The following MSRA variants were observed in gnomAD, a reference collection of about 807,000 sequenced individuals.
MSRA encodes the protein methionine sulfoxide reductase A.
A neutral mutation model predicts 31.3 loss-of-function variants in MSRA; 54 were observed. The ratio of observed to expected loss-of-function variants is 1.73; its 90% CI spans 1.39 to 2.17. The LOEUF is 2.17. MSRA is among the 30% of genes most tolerant of loss of function. MSRA has a pLI of 0.00. For synonymous variants in MSRA, 169 were observed against 116.5 expected, an observed-to-expected ratio of 1.45 and a Z score of -2.90; for missense variants, 507 against 300.9, an observed-to-expected ratio of 1.69 and a Z score of -5.07.
chr8:10,107,852 C>T (rs532201656), intron 1 of MSRA, among the ~76,000 whole-genome samples: 24 of 152,200 alleles, frequency 1.6e-4, no homozygotes, highest in Admixed American at 2.6e-4. Context: ...AAATTATCCC[C>T]GGATATTGCT....
In MSRA at chr8:10,301,572, C is replaced by T; in HGVS notation, c.370C>T (p.Gln124Ter). 6.2e-7 allele frequency: 1 copy of T among 1,613,964 alleles called. No homozygotes were observed. The highest frequency in any genetic ancestry group is 8.5e-7 in the Non-Finnish European group (1 of 1,179,992). Reference protein sequence around the residue: ...GHAEVVRVVYQPEHMSFEELL... With the variant: ...GHAEVVRVVY Reference sequence around the variant, plus strand: ...TGCAGAAGTCGTCCGAGTGGTGTACCAGCCAGAACACATGAGTTTTGAGGA... The same window carrying T: ...TGCAGAAGTCGTCCGAGTGGTGTACTAGCCAGAACACATGAGTTTTGAGGA... The change falls in exon 4 of 6, where the codon CAG becomes TAG. Residue 124 changes from glutamine (Q) to a stop codon, truncating the protein, a stop_gained. Transcript: ENST00000317173. LOFTEE classifies it high-confidence loss of function.
At chr8:10,358,472 A>G (rs748872376) in intron 5 of MSRA, among the ~76,000 whole-genome samples, 18 of 144,016 alleles carry the variant, frequency 1.2e-4, no homozygotes, top group Non-Finnish European at 2.5e-4. Flanking sequence ...GTTCTGGCCT[A>G]TGGCCTGTTA....
chr8:10,250,635 G>A (rs1329729996), intron 3 of MSRA: 5 of 608,284 alleles, frequency 8.2e-6, no homozygotes, highest in South Asian at 2.0e-5. Flanking sequence ...CAGAGGTTTC[G>A]AGCAGGAGCC....
chr8:10,088,179 C>T (rs554114005), intron 1 of MSRA, among the ~76,000 whole-genome samples: 1 of 152,286 alleles, frequency 6.6e-6, no homozygotes, highest in Non-Finnish European at 1.5e-5. Context: ...AGAAAGACTT[C>T]CCCATGCTAC....
intron 2 of MSRA, among the ~76,000 whole-genome samples, chr8:10,216,670 G>C (rs904229923): frequency 6.6e-6 from 1 of 152,170 alleles, no homozygotes. Context: ...GAATCATGCA[G>C]TATTTACCCT....
At chr8:10,176,941 T>C (rs1806104994) in intron 1 of MSRA, among the ~76,000 whole-genome samples, 1 of 152,192 alleles carries the variant, frequency 6.6e-6, no homozygotes, top group African/African-American at 2.4e-5. Context: ...TAGTACAGAG[T>C]CTTGTCTGGA....
intron 1 of MSRA, among the ~76,000 whole-genome samples, chr8:10,063,368 C>T (rs764235146): frequency 3.9e-5 from 6 of 152,242 alleles, no homozygotes; most frequent in Non-Finnish European, 4.4e-5. Context: ...GTTTAGGGAA[C>T]AGCAGCGACT....
intron 1 of MSRA, among the ~76,000 whole-genome samples, chr8:10,140,243 C>T (rs1165865838): frequency 1.3e-5 from 2 of 152,128 alleles, no homozygotes; most frequent in Non-Finnish European, 2.9e-5. Flanking sequence ...GTGGTTGTTC[C>T]TTCCTCCAGT....
chr8:10,378,578 C>T (rs1469801869), intron 5 of MSRA, among the ~76,000 whole-genome samples: 1 of 152,192 alleles, frequency 6.6e-6, no homozygotes, highest in Non-Finnish European at 1.5e-5. Flanking sequence ...GGCTTCATCT[C>T]CCGGCCAGGA....
intron 1 of MSRA, among the ~76,000 whole-genome samples, chr8:10,146,857 G>T (rs530943165): frequency 6.6e-6 from 1 of 152,276 alleles, no homozygotes; most frequent in South Asian, 2.1e-4. Context: ...TAGCCTGGAA[G>T]GGCTTGCTGA....
chr8:10,330,204 TATAC>T (rs1381394622), intron 5 of MSRA, among the ~76,000 whole-genome samples: 2 of 107,898 alleles, frequency 1.9e-5, no homozygotes, highest in African/African-American at 3.3e-5. Flanking sequence ...TTAAATGTGA[TATAC>T]ACACACACAC....
Position 10,316,432 on chromosome 8 carries a change from T to A in MSRA, c.437-3451T>A, listed in dbSNP as rs569700574. Among the ~76,000 whole-genome samples, 12 of 152,058 alleles carry A rather than the reference T, an allele frequency of 7.9e-5. No individual in the cohort carries two copies. In the South Asian group the frequency reaches 2.5e-3, roughly 32 times the overall value. On this transcript the variant is annotated intron_variant, in intron 4 of 5. Coordinates refer to ENST00000317173, the MANE Select transcript of MSRA (RefSeq NM_012331.5). ...GGGCAGGGATATGGGTTTACTAATATCCTCCAAGTATTTGCAGAATTGGGT... is the reference window on the plus strand; with the variant it reads ...GGGCAGGGATATGGGTTTACTAATAACCTCCAAGTATTTGCAGAATTGGGT...
chr8:10,096,844 A>G (rs1015786884), intron 1 of MSRA, among the ~76,000 whole-genome samples: 6 of 152,186 alleles, frequency 3.9e-5, no homozygotes, highest in African/African-American at 1.2e-4. Flanking sequence ...GATTGTAAGT[A>G]TTCTGTTTTT....
chr8:10,422,845 C>A (rs188139914), intron 5 of MSRA, among the ~76,000 whole-genome samples: 1 of 152,176 alleles, frequency 6.6e-6, no homozygotes, highest in Non-Finnish European at 1.5e-5. Context: ...GCTTTTGAAC[C>A]AATCTAGGCA....
At chr8:10,329,437 C>T (rs933702926) in intron 5 of MSRA, among the ~76,000 whole-genome samples, 2 of 152,224 alleles carry the variant, frequency 1.3e-5, no homozygotes, top group Non-Finnish European at 2.9e-5. Flanking sequence ...TGATCTCGTC[C>T]TGCATCTCTC....
At chr8:10,217,550 C>G (rs1358488833) in intron 2 of MSRA, among the ~76,000 whole-genome samples, 2 of 152,134 alleles carry the variant, frequency 1.3e-5, no homozygotes, top group African/African-American at 4.8e-5. Flanking sequence ...TGAAAGATTT[C>G]AAACAAAAAT....
At chr8:10,352,472 C>T (rs139449156) in intron 5 of MSRA, among the ~76,000 whole-genome samples, 4,060 of 152,188 alleles carry the variant, frequency 0.027, 88 homozygotes, top group Non-Finnish European at 0.043. Context: ...ATGAAGCCAT[C>T]GTCCCTGTGC....
At chr8:10,291,173 T>C (rs1037114974) in intron 3 of MSRA, among the ~76,000 whole-genome samples, 3 of 152,214 alleles carry the variant, frequency 2.0e-5, no homozygotes, top group Admixed American at 1.3e-4. Flanking sequence ...TGAAGACTTT[T>C]CTTGATCCAG....
intron 1 of MSRA, among the ~76,000 whole-genome samples, chr8:10,173,794 T>G (rs1805804610): frequency 6.6e-6 from 1 of 152,188 alleles, no homozygotes; most frequent in Non-Finnish European, 1.5e-5. Flanking sequence ...GCCTAGTCTG[T>G]CCCATCTTAG....
Sources: gnomAD v4.1 joint callset for allele counts (sites outside exome capture counted in the v4.1 genomes callset) on GRCh38, gnomAD v4.1.1 for gene constraint, MANE v1.5 for transcripts, NCBI Gene and HGNC (gene_info 2026-07-23, HGNC 2026-07-21) for gene names.